DNAH5: variants seen among roughly 807,000 people sequenced by gnomAD.
The protein encoded by DNAH5 is dynein axonemal heavy chain 5.
Under a neutral mutation model 518.2 loss-of-function variants are expected in DNAH5, and 372 were observed. The ratio of observed to expected loss-of-function variants is 0.72; its 90% confidence interval spans 0.66 to 0.78. The LOEUF (loss-of-function observed/expected upper bound fraction) is 0.78. DNAH5 is among the 30% of genes least tolerant of loss of function. DNAH5 has a pLI of 0.00. For missense variants in DNAH5, 5,523 were observed against 5,687.0 expected, an observed-to-expected ratio of 0.97 and a Z score of 0.93; for synonymous variants, 2,039 against 2,025.9, an observed-to-expected ratio of 1.01 and a Z score of -0.17.
In DNAH5 at chr5:13,700,875, T is replaced by C. The variant is rs1215605189; in HGVS notation, c.13492-4A>G. The C allele has an allele frequency of 2.5e-6, 4 of 1,614,012 alleles. No individual in the cohort carries two copies. Among genetic ancestry groups the C allele is most frequent in the Non-Finnish European group, 3.4e-6 (4 of 1,179,896 alleles). ...CTTTGTTGGCCCGAGTTATTTCCTA[T>C]TCAGGGCAGCAAAAGATGAATGGAG... On this transcript the variant is annotated splice_polypyrimidine_tract_variant and splice_region_variant and intron_variant, in intron 77 of 78. Coordinates refer to ENST00000265104, the MANE Select transcript of DNAH5 (RefSeq NM_001369.3).
At chr5:13,796,094 T>C (rs1347348104) in intron 47 of DNAH5, among the ~76,000 whole-genome samples, 1 of 152,178 alleles carries the variant, frequency 6.6e-6, no homozygotes, top group African/African-American at 2.4e-5. Flanking sequence ...GCCAATATCA[T>C]ACTGAATGGG....
chr5:13,883,591 G>C (rs1024887659), intron 19 of DNAH5, among the ~76,000 whole-genome samples: 1 of 152,164 alleles, frequency 6.6e-6, no homozygotes, highest in Non-Finnish European at 1.5e-5. Context: ...GAAATAAAGT[G>C]TAATTCGCCA....
chr5:13,791,987 C>T lies in DNAH5; in HGVS notation c.8448+7G>A. 6.2e-7 allele frequency: 1 copy of T among 1,606,956 alleles called. No individual in the cohort carries two copies. The highest frequency in any genetic ancestry group is 8.5e-7 in the Non-Finnish European group (1 of 1,174,202). On this transcript the variant is annotated splice_region_variant and intron_variant, in intron 50 of 78. Transcript: ENST00000265104. ...TTATTTGTTTTTCTTTCTTCAGTGT[C>T]ACTTACATTTGGTTCCTTGATGACC... is the stretch of plus-strand genomic sequence containing the variant.
intron 24 of DNAH5, among the ~76,000 whole-genome samples, chr5:13,869,008 G>T (rs1453978337): frequency 6.6e-6 from 1 of 152,142 alleles, no homozygotes; most frequent in Non-Finnish European, 1.5e-5. Flanking sequence ...TCCTAGGTGG[G>T]AGAAAATAGG....
At chr5:13,749,386 A>G (rs1749888387) in intron 65 of DNAH5, among the ~76,000 whole-genome samples, 1 of 152,182 alleles carries the variant, frequency 6.6e-6, no homozygotes, top group Admixed American at 6.6e-5. Flanking sequence ...AAGAAGTAAG[A>G]AAAAGCCTGG....
At chr5:13,823,565 A>G (rs1762505523) in intron 39 of DNAH5, among the ~76,000 whole-genome samples, 195 bp from the exon 40 acceptor site, 1 of 152,248 alleles carries the variant, frequency 6.6e-6, no homozygotes, top group East Asian at 1.9e-4. Context: ...TAAAGAGGAA[A>G]AGAACAGGGA....
intron 2 of DNAH5, 50 bp from the exon 3 acceptor site, chr5:13,928,228 C>T (rs754712392): frequency 7.1e-7 from 1 of 1,401,956 alleles, no homozygotes; most frequent in South Asian, 1.2e-5. Context: ...AAATTAGAAA[C>T]TGCAATTAAA....
intron 55 of DNAH5, 48 bp from the exon 56 acceptor site, chr5:13,771,028 C>A: frequency 6.8e-7 from 1 of 1,462,864 alleles, no homozygotes; most frequent in Non-Finnish European, 9.5e-7. Flanking sequence ...TGTAAGTTAC[C>A]CTTTTAAAAG....
intron 1 of DNAH5, among the ~76,000 whole-genome samples, chr5:13,995,354 T>C (rs1034652648): frequency 4.6e-5 from 7 of 152,162 alleles, no homozygotes; most frequent in African/African-American, 1.7e-4. Context: ...TTTAGCTCTT[T>C]TCTTCCATCC....
intron 53 of DNAH5, 30 bp downstream of exon 53, chr5:13,780,799 G>C (rs1754988930): frequency 6.2e-7 from 1 of 1,612,310 alleles, no homozygotes. Flanking sequence ...CAAAATCCAT[G>C]TTAGGTTTGT....
intron 41 of DNAH5, among the ~76,000 whole-genome samples, chr5:13,818,402 G>A (rs1761750860): frequency 6.6e-6 from 1 of 152,240 alleles, no homozygotes; most frequent in Admixed American, 6.5e-5. Flanking sequence ...TTCGAGATCA[G>A]CCTGGCCAAC....
At chr5:13,778,513 A>AGGGAGGGG (rs1754464813) in intron 53 of DNAH5, among the ~76,000 whole-genome samples, 1 of 105,714 alleles carries the variant, frequency 9.5e-6, no homozygotes, top group African/African-American at 3.5e-5. Flanking sequence ...GGAGGGAGGG[A>AGGGAGGGG]GGGGAGAGAA....
Position 13,777,355 on chromosome 5 carries a change from T to A in DNAH5, c.8952A>T (p.Arg2984Ser), listed in dbSNP as rs1447753677. Residue 2984 changes from arginine to serine, a missense_variant and splice_region_variant, in exon 54 of 79, where the codon AGA (arginine) becomes AGT (serine). This residue lies in a region of DNAH5 where 5,121 missense variants were observed against 5,223.3 expected (regional missense o/e 0.98). Transcript: ENST00000265104. ...GYVSFQITLT[R>S]SYNTSNLMED... ...CCATCAGATTTGATGTGTTGTAGGA[T>A]CTAAAGAAATATTTTCATTTTGTCA... is the stretch of plus-strand genomic sequence containing the variant. The A allele has an allele frequency of 1.2e-6, 2 of 1,612,502 alleles. No individual in the cohort carries two copies. The highest frequency in any genetic ancestry group is 1.7e-6 in the Non-Finnish European group (2 of 1,179,110).
At chr5:13,977,114 C>G (rs1782318449) in intron 1 of DNAH5, among the ~76,000 whole-genome samples, 1 of 152,194 alleles carries the variant, frequency 6.6e-6, no homozygotes, top group Admixed American at 6.5e-5. Context: ...TGTTTCATTA[C>G]AGTGTCACTT....
intron 2 of DNAH5, among the ~76,000 whole-genome samples, chr5:13,928,710 A>T (rs529757112): frequency 1.3e-5 from 2 of 152,368 alleles, no homozygotes; most frequent in East Asian, 3.9e-4. Flanking sequence ...AAGTCTAACA[A>T]ATGGCCTGCT....
chr5:13,815,065 G>C (rs1240572138), intron 42 of DNAH5, among the ~76,000 whole-genome samples: 2 of 152,172 alleles, frequency 1.3e-5, no homozygotes, highest in Non-Finnish European at 1.5e-5. Context: ...AAAGTAGTTT[G>C]TTTATTGGAC....
At chr5:13,748,947 T>C (rs1023126976) in intron 65 of DNAH5, among the ~76,000 whole-genome samples, 1 of 151,978 alleles carries the variant, frequency 6.6e-6, no homozygotes, top group Non-Finnish European at 1.5e-5. Context: ...CTCTTTCCAA[T>C]TGAGTAACTA....
intron 29 of DNAH5, 34 bp downstream of exon 29, chr5:13,862,514 C>G: frequency 6.2e-7 from 1 of 1,604,476 alleles, no homozygotes; most frequent in Middle Eastern, 1.7e-4. Flanking sequence ...TTACGGTTCT[C>G]AAATCTAAGG....
In DNAH5 at chr5:13,719,715, A is replaced by G. The variant is rs116751513; in HGVS notation, c.12280-614T>C. On this transcript the variant is annotated intron_variant, in intron 71 of 78. Coordinates refer to ENST00000265104, the MANE Select transcript of DNAH5 (RefSeq NM_001369.3). ...TTGAGGGAATAGGTACCACACTGAA[A>G]CCAGGTGAAAGAATGATTGCCTGCT... 1.4e-3 allele frequency among the ~76,000 whole-genome samples: 219 copies of G among 152,242 alleles called. 1 individual carries two copies. The highest frequency in any genetic ancestry group is 5.1e-3 in the African/African-American group (214 of 41,554).
Sources: gnomAD v4.1 joint callset for allele counts (sites outside exome capture counted in the v4.1 genomes callset) on GRCh38, gnomAD v4.1.1 for gene constraint, gnomAD v4.1.1 regional missense constraint, MANE v1.5 for transcripts, NCBI Gene and HGNC (gene_info 2026-07-23, HGNC 2026-07-21) for gene names.